The following ZCCHC7 variants were observed in gnomAD, a reference collection of about 807,000 sequenced individuals.
ZCCHC7 encodes the protein zinc finger CCHC-type containing 7.
ZCCHC7 carries 35 observed loss-of-function variants against 52.0 expected under a neutral mutation model. The ratio of observed to expected loss-of-function variants is 0.67; its 90% CI spans 0.51 to 0.89. The LOEUF (loss-of-function observed/expected upper bound fraction) is 0.89. Ranked by LOEUF, ZCCHC7 falls within the 40% of genes least tolerant of loss-of-function variation. The probability of loss-of-function intolerance (pLI) is 0.00; values close to 1 mark genes in which losing one functional copy is unlikely to be tolerated. For missense variants in ZCCHC7, 574 were observed against 649.1 expected (o/e 0.88, Z 1.26); for synonymous variants, 217 against 221.5 (o/e 0.98, Z 0.18).
chr9:37,138,017 G>A (rs780888764), intron 2 of ZCCHC7, among the ~76,000 whole-genome samples: 8 of 152,106 alleles, frequency 5.3e-5, no homozygotes, highest in Non-Finnish European at 1.2e-4. Flanking sequence ...CAGTCACCAG[G>A]AGCATCAAGG....
At chr9:37,231,287 G>A (rs114551193) in intron 2 of ZCCHC7, among the ~76,000 whole-genome samples, 95 of 152,196 alleles carry the variant, frequency 6.2e-4, no homozygotes, top group African/African-American at 2.1e-3. Flanking sequence ...CACTAGTTAC[G>A]TATATTAATT....
At chr9:37,252,696 A>G (rs1826387264) in intron 2 of ZCCHC7, among the ~76,000 whole-genome samples, 1 of 152,270 alleles carries the variant, frequency 6.6e-6, no homozygotes, top group East Asian at 1.9e-4. Flanking sequence ...AGTCAACCCA[A>G]TTTAAGTCAC....
intron 6 of ZCCHC7, among the ~76,000 whole-genome samples, chr9:37,344,982 G>T (rs190307168): frequency 6.6e-6 from 1 of 152,200 alleles, no homozygotes; most frequent in East Asian, 1.9e-4. Flanking sequence ...TTCCCTTCTT[G>T]CATACACAGC....
In ZCCHC7 at chr9:37,356,872, G is replaced by C; in HGVS notation, c.1236G>C (p.Lys412Asn). The C allele has an allele frequency of 6.2e-7, 1 of 1,608,234 alleles. No homozygotes were observed. Among genetic ancestry groups the C allele is most frequent in the Non-Finnish European group, 8.5e-7 (1 of 1,178,594 alleles). ...KKNGVIPEPS[K>N]LPYIKAANEN... ...ATGGGGTTATCCCAGAGCCATCCAA[G>C]CTACCTTATATAAAAGCAGCAAATG... is the stretch of plus-strand genomic sequence containing the variant. The change falls in exon 9 of 9, where the codon AAG becomes AAC. Residue 412 changes from lysine (K) to asparagine (N), a missense_variant. By Grantham distance (94) the Lys-to-Asn change is moderately conservative. Around this residue, in one of 3 missense-constraint regions of ZCCHC7, gnomAD observed 168 missense variants for 171.6 expected, o/e 0.98. Coordinates refer to ENST00000336755, the MANE Select transcript of ZCCHC7 (RefSeq NM_032226.3).
intron 6 of ZCCHC7, among the ~76,000 whole-genome samples, chr9:37,348,752 C>G (rs1821180195): frequency 6.6e-6 from 1 of 152,152 alleles, no homozygotes; most frequent in Non-Finnish European, 1.5e-5. Context: ...TTACAAGGCC[C>G]TCCATTCTTG....
At chr9:37,332,248 G>A (rs1211301141) in intron 6 of ZCCHC7, among the ~76,000 whole-genome samples, 1 of 151,504 alleles carries the variant, frequency 6.6e-6, no homozygotes, top group Non-Finnish European at 1.5e-5. Flanking sequence ...TGATCATTCA[G>A]AAGGCACATG....
chr9:37,245,855 T>C (rs1426015475), intron 2 of ZCCHC7, among the ~76,000 whole-genome samples: 2 of 152,166 alleles, frequency 1.3e-5, no homozygotes, highest in Non-Finnish European at 2.9e-5. Context: ...CCTATTGCTA[T>C]TGCTTAAGAG....
In ZCCHC7 at chr9:37,352,777, G is replaced by A. The variant is rs139904284; in HGVS notation, c.1084-1933G>A. Among the ~76,000 whole-genome samples, 11 of 150,508 alleles carry A rather than the reference G, an allele frequency of 7.3e-5. No individual in the cohort carries two copies. In the East Asian group the frequency reaches 1.8e-3, roughly 24 times the overall value. ...TGACCTCAGGTGATCCACCTGCCTC[G>A]GCCTCCCAAAGTGTTGGGATTACAG... On this transcript the variant is annotated intron_variant, in intron 7 of 8. Transcript: ENST00000336755.
At chr9:37,207,654 G>A (rs192315372) in intron 2 of ZCCHC7, among the ~76,000 whole-genome samples, 39 of 151,348 alleles carry the variant, frequency 2.6e-4, no homozygotes, top group Admixed American at 1.1e-3. Flanking sequence ...AAAAAAAATC[G>A]ATTTTCTGTT....
At chr9:37,282,524 G>C (rs1260137564) in intron 2 of ZCCHC7, among the ~76,000 whole-genome samples, 1 of 146,908 alleles carries the variant, frequency 6.8e-6, no homozygotes, top group Non-Finnish European at 1.5e-5. Flanking sequence ...AAAATGGCAT[G>C]AACCTGGGAG....
chr9:37,200,030 G>A (rs1823548388), intron 2 of ZCCHC7, among the ~76,000 whole-genome samples: 1 of 152,088 alleles, frequency 6.6e-6, no homozygotes. Context: ...ACCGCGCTCT[G>A]CTCCCATTTT....
intron 2 of ZCCHC7, among the ~76,000 whole-genome samples, chr9:37,228,384 T>C (rs1385771352): frequency 6.6e-6 from 1 of 152,114 alleles, no homozygotes; most frequent in African/African-American, 2.4e-5. Context: ...TGATTTTATT[T>C]ATTTATTTTT....
intron 3 of ZCCHC7, 126 bp from the exon 4 acceptor site, chr9:37,304,062 G>T: frequency 2.3e-6 from 2 of 859,220 alleles, no homozygotes; most frequent in Non-Finnish European, 3.6e-6. Flanking sequence ...CTTTATCAAG[G>T]TAATGGAACT....
At chr9:37,158,512 G>T (rs759632257) in intron 2 of ZCCHC7, among the ~76,000 whole-genome samples, 2 of 152,144 alleles carry the variant, frequency 1.3e-5, no homozygotes, top group African/African-American at 2.4e-5. Flanking sequence ...AACATGAAGG[G>T]GAGTAATTGT....
chr9:37,267,553 C>T (rs1057013207), intron 2 of ZCCHC7, among the ~76,000 whole-genome samples: 6 of 149,426 alleles, frequency 4.0e-5, no homozygotes, highest in African/African-American at 7.4e-5. Context: ...CTACCATGCA[C>T]GGCTAATTTT....
chr9:37,160,187 G>A (rs891490712), intron 2 of ZCCHC7: 3 of 152,246 alleles, frequency 2.0e-5, no homozygotes, highest in East Asian at 1.9e-4. Context: ...AACCAGTCAC[G>A]GATTTCTTTG....
chr9:37,137,857 T>G (rs1167594447), intron 2 of ZCCHC7, among the ~76,000 whole-genome samples: 1 of 152,242 alleles, frequency 6.6e-6, no homozygotes, highest in Non-Finnish European at 1.5e-5. Flanking sequence ...TTTCCCCTCC[T>G]TTGGCATTCA....
At chr9:37,208,969 T>TA (rs1396696375) in intron 2 of ZCCHC7, among the ~76,000 whole-genome samples, 12 of 152,318 alleles carry the variant, frequency 7.9e-5, no homozygotes, top group Admixed American at 7.8e-4. Context: ...GACTTCTTTT[T>TA]AAAAAATTTT....
intron 2 of ZCCHC7, among the ~76,000 whole-genome samples, chr9:37,145,315 T>C (rs1377528260): frequency 6.6e-6 from 1 of 151,996 alleles, no homozygotes; most frequent in Non-Finnish European, 1.5e-5. Context: ...TTTCCTGTTG[T>C]ATTTTTTTAA....
Sources: gnomAD v4.1 joint callset for allele counts (sites outside exome capture counted in the v4.1 genomes callset) on GRCh38, gnomAD v4.1.1 for gene constraint, gnomAD v4.1.1 regional missense constraint, MANE v1.5 for transcripts, NCBI Gene and HGNC (gene_info 2026-07-23, HGNC 2026-07-21) for gene names.